VAT1L: variants seen among roughly 807,000 people sequenced by gnomAD.
VAT1L encodes vesicle amine transport 1 like.
A neutral mutation model predicts 44.1 loss-of-function variants in VAT1L; 34 were observed. The observed-to-expected ratio is 0.77, with a 90% CI of 0.59 to 1.03. The LOEUF is 1.03. VAT1L is among the 50% of genes least tolerant of loss of function. The probability of loss-of-function intolerance (pLI) is 0.00; values close to 1 mark genes in which losing one functional copy is unlikely to be tolerated. For missense variants in VAT1L, 615 were observed against 538.8 expected (o/e 1.14, Z -1.40); for synonymous variants, 253 against 202.2 (o/e 1.25, Z -2.13).
At chr16:77,932,757 A>G (rs2017747045) in intron 7 of VAT1L, among the ~76,000 whole-genome samples, 1 of 152,124 alleles carries the variant, frequency 6.6e-6, no homozygotes, top group Admixed American at 6.5e-5. Context: ...AGTACCTCCA[A>G]GCTTCTCTTC....
chr16:77,897,295 A>G (rs1396191652), intron 7 of VAT1L, among the ~76,000 whole-genome samples: 2 of 152,342 alleles, frequency 1.3e-5, no homozygotes, highest in East Asian at 1.9e-4. Context: ...AAATGGGGAT[A>G]CTACCATGTT....
chr16:77,962,149 C>T (rs1283769417), intron 7 of VAT1L, among the ~76,000 whole-genome samples: 1 of 152,100 alleles, frequency 6.6e-6, no homozygotes, highest in African/African-American at 2.4e-5. Flanking sequence ...TCTGCAGGGC[C>T]CTGGGCAAGA....
At chr16:77,937,768 G>T (rs1033746110) in intron 7 of VAT1L, among the ~76,000 whole-genome samples, 2 of 152,178 alleles carry the variant, frequency 1.3e-5, no homozygotes, top group Non-Finnish European at 2.9e-5. Flanking sequence ...GGACCTCCTT[G>T]AAAAGGCGAG....
At chr16:77,789,225 C>G (rs2015787507) in intron 1 of VAT1L, among the ~76,000 whole-genome samples, 1 of 152,190 alleles carries the variant, frequency 6.6e-6, no homozygotes, top group Non-Finnish European at 1.5e-5. Flanking sequence ...GAGGACAACT[C>G]AGCTTTCGCA....
intron 1 of VAT1L, among the ~76,000 whole-genome samples, chr16:77,789,881 G>A (rs904769909): frequency 1.1e-4 from 17 of 152,240 alleles, no homozygotes; most frequent in African/African-American, 4.1e-4. Context: ...CTGAAGTTCT[G>A]GGAAGAGCTT....
chr16:77,911,399 T>C (rs1347034446), intron 7 of VAT1L, among the ~76,000 whole-genome samples: 1 of 152,182 alleles, frequency 6.6e-6, no homozygotes, highest in Non-Finnish European at 1.5e-5. Context: ...TGTGGGGTAC[T>C]AAGGATTCAG....
intron 8 of VAT1L, among the ~76,000 whole-genome samples, chr16:77,974,197 A>G (rs770729580): frequency 1.5e-4 from 23 of 152,222 alleles, no homozygotes; most frequent in Non-Finnish European, 1.2e-4. Flanking sequence ...TGTTCAAAGC[A>G]GATGAGAGGG....
intron 7 of VAT1L, among the ~76,000 whole-genome samples, chr16:77,949,776 C>T (rs1038023209): frequency 6.6e-6 from 1 of 152,130 alleles, no homozygotes. Flanking sequence ...ACTCTTTTTT[C>T]TTTAAAAATT....
chr16:77,919,950 G>T (rs189343159), intron 7 of VAT1L, among the ~76,000 whole-genome samples: 201 of 152,212 alleles, frequency 1.3e-3, no homozygotes, highest in Non-Finnish European at 2.4e-3. Flanking sequence ...CGAGTATGGT[G>T]GTGGGTGCCT....
intron 7 of VAT1L, among the ~76,000 whole-genome samples, chr16:77,900,530 A>G (rs1307658163): frequency 1.3e-5 from 2 of 151,874 alleles, no homozygotes; most frequent in Admixed American, 6.6e-5. Context: ...CCCCATTTCT[A>G]CTAAAAATAC....
chr16:77,857,769 TCA>T (rs1434148550), intron 3 of VAT1L, among the ~76,000 whole-genome samples: 2 of 107,268 alleles, frequency 1.9e-5, no homozygotes, highest in East Asian at 4.9e-4. Flanking sequence ...TATCTAATAC[TCA>T]CATATTATAT....
intron 1 of VAT1L, among the ~76,000 whole-genome samples, chr16:77,808,752 C>T (rs1282410433): frequency 1.3e-5 from 2 of 152,078 alleles, no homozygotes; most frequent in African/African-American, 2.4e-5. Context: ...TGTACCACCA[C>T]ACCTGGCTAA....
intron 4 of VAT1L, among the ~76,000 whole-genome samples, chr16:77,865,828 G>C (rs1289447022): frequency 6.6e-6 from 1 of 152,186 alleles, no homozygotes; most frequent in Non-Finnish European, 1.5e-5. Context: ...AGAGAAGGGA[G>C]ATGGCATCTC....
rs141554137 is a variant in VAT1L at position 77,864,278 on chromosome 16, C to G, written c.722+1388C>G. On this transcript the variant is annotated intron_variant, in intron 4 of 8. Coordinates refer to ENST00000302536, the MANE Select transcript of VAT1L (RefSeq NM_020927.3). ...AAAATTGTTACGTACAAAGGTATTACGTTGTCCAGATAGAATCATAATAAA... is the reference window on the plus strand; with the variant it reads ...AAAATTGTTACGTACAAAGGTATTAGGTTGTCCAGATAGAATCATAATAAA... Among the ~76,000 whole-genome samples, 39 of 152,264 alleles carry G rather than the reference C, an allele frequency of 2.6e-4. No individual in the cohort carries two copies. The East Asian group carries it at 7.5e-3, about 29-fold the overall frequency.
At chr16:77,968,660 G>A (rs1324263331) in intron 7 of VAT1L, among the ~76,000 whole-genome samples, 1 of 152,038 alleles carries the variant, frequency 6.6e-6, no homozygotes, top group Non-Finnish European at 1.5e-5. Flanking sequence ...GGGAGGCGGA[G>A]CTTGCAGTGA....
At chr16:77,905,429 T>C (rs1365202081) in intron 7 of VAT1L, among the ~76,000 whole-genome samples, 1 of 152,134 alleles carries the variant, frequency 6.6e-6, no homozygotes, top group South Asian at 2.1e-4. Flanking sequence ...GGGAGGTTTT[T>C]TCAGAAGTTC....
chr16:77,948,563 A>G (rs1370174648), intron 7 of VAT1L, among the ~76,000 whole-genome samples: 1 of 152,126 alleles, frequency 6.6e-6, no homozygotes, highest in Non-Finnish European at 1.5e-5. Flanking sequence ...AAAAGCAGCA[A>G]TTATAGGATA....
chr16:77,825,766 C>T (rs1003575613), intron 3 of VAT1L, among the ~76,000 whole-genome samples: 5 of 151,660 alleles, frequency 3.3e-5, no homozygotes, highest in African/African-American at 1.2e-4. Flanking sequence ...CCTGTAATCC[C>T]AGCACTTTGG....
intron 1 of VAT1L, among the ~76,000 whole-genome samples, chr16:77,794,775 T>G (rs1278146472): frequency 6.6e-6 from 1 of 152,134 alleles, no homozygotes; most frequent in Non-Finnish European, 1.5e-5. Flanking sequence ...GCATCAGGAT[T>G]TGAGAGGAAA....
Sources: allele counts gnomAD v4.1 joint callset (sites outside exome capture counted in the v4.1 genomes callset), GRCh38; gene constraint gnomAD v4.1.1; transcripts MANE v1.5; gene names NCBI Gene and HGNC (gene_info 2026-07-23, HGNC 2026-07-21).